The following KCNMB4 variants were observed in gnomAD, a reference collection of about 807,000 sequenced individuals.
The protein encoded by KCNMB4 is potassium calcium-activated channel subfamily M regulatory beta subunit 4.
In KCNMB4, 3 loss-of-function variants were observed where a neutral mutation model predicts 20.7. That is an observed-to-expected ratio of 0.14 (90% confidence interval 0.07 to 0.37). The LOEUF is 0.37. Ranked by LOEUF, KCNMB4 falls within the 10% of genes least tolerant of loss-of-function variation. KCNMB4 has a pLI of 1.00. For missense variants in KCNMB4, 168 were observed against 265.9 expected (o/e 0.63, Z 2.56); for synonymous variants, 110 against 113.4 (o/e 0.97, Z 0.19).
At chr12:70,378,873 G>A (rs575425049) in intron 1 of KCNMB4, among the ~76,000 whole-genome samples, 43 of 152,204 alleles carry the variant, frequency 2.8e-4, no homozygotes, top group South Asian at 2.3e-3. Context: ...CATGAAAGTC[G>A]AACTTACTCC....
At chr12:70,376,719 AC>A (rs199749351) in intron 1 of KCNMB4, among the ~76,000 whole-genome samples, 6,375 of 148,514 alleles carry the variant, frequency 0.043, 182 homozygotes, top group Middle Eastern at 0.067. Context: ...TTAAAAAAAA[AC>A]AAAACGCCAG....
chr12:70,390,652 A>G (rs1323745466), intron 1 of KCNMB4, among the ~76,000 whole-genome samples: 3 of 152,322 alleles, frequency 2.0e-5, no homozygotes, highest in Admixed American at 6.5e-5. Context: ...ATTGCTACTG[A>G]AAGCTGGCAG....
intron 1 of KCNMB4, among the ~76,000 whole-genome samples, chr12:70,375,560 G>A (rs902545504): frequency 8.6e-5 from 13 of 152,028 alleles, no homozygotes; most frequent in African/African-American, 3.1e-4. Context: ...CCTTGCTTGA[G>A]CTGAGGAGGT....
chr12:70,374,813 G>A (rs1257768417), intron 1 of KCNMB4, among the ~76,000 whole-genome samples: 1 of 152,110 alleles, frequency 6.6e-6, no homozygotes, highest in Non-Finnish European at 1.5e-5. Context: ...CTCATCTAAT[G>A]TCCAGTTTAC....
At chr12:70,395,536 T>C (rs1201027973) in intron 1 of KCNMB4, among the ~76,000 whole-genome samples, 2 of 152,178 alleles carry the variant, frequency 1.3e-5, no homozygotes, top group Admixed American at 1.3e-4. Context: ...AATGCTGTTA[T>C]AAATCTTGAC....
chr12:70,376,348 G>A (rs1434695612), intron 1 of KCNMB4, among the ~76,000 whole-genome samples: 1 of 151,982 alleles, frequency 6.6e-6, no homozygotes, highest in East Asian at 1.9e-4. Flanking sequence ...CTAGCCAGGG[G>A]CAGTTAAGCA....
At chr12:70,375,016 T>A (rs1883660989) in intron 1 of KCNMB4, among the ~76,000 whole-genome samples, 1 of 152,208 alleles carries the variant, frequency 6.6e-6, no homozygotes, top group Non-Finnish European at 1.5e-5. Flanking sequence ...TACTCTATAG[T>A]GAGTGCTAAA....
intron 2 of KCNMB4, among the ~76,000 whole-genome samples, chr12:70,424,113 G>A (rs1256648171): frequency 5.3e-5 from 8 of 152,120 alleles, no homozygotes; most frequent in African/African-American, 1.9e-4. Flanking sequence ...CTTTTTAGGA[G>A]GACAAGTTAG....
chr12:70,378,784 A>G (rs962955265), intron 1 of KCNMB4, among the ~76,000 whole-genome samples: 1 of 152,064 alleles, frequency 6.6e-6, no homozygotes, highest in African/African-American at 2.4e-5. Context: ...TGATTCACCC[A>G]TCTCGGCCTC....
chr12:70,404,638 A>G lies in KCNMB4; in HGVS notation c.464+4302A>G, dbSNP rs1017708849. Among the ~76,000 whole-genome samples, 6 of 152,220 alleles carry G rather than the reference A, an allele frequency of 3.9e-5. No homozygotes were observed. The East Asian group carries it at 1.2e-3, about 29-fold the overall frequency. On this transcript the variant is annotated intron_variant, in intron 2 of 2. Coordinates refer to ENST00000258111, the MANE Select transcript of KCNMB4 (RefSeq NM_014505.6). ...GAGAATAGTGGTGGTGAAAGTAGCA[A>G]CAAGGATTATAGCAGTAAGATTTTT...
chr12:70,407,116 G>C (rs1868625453), intron 2 of KCNMB4, among the ~76,000 whole-genome samples: 1 of 152,086 alleles, frequency 6.6e-6, no homozygotes, highest in Non-Finnish European at 1.5e-5. Context: ...TGTACTTCTG[G>C]CTGACCTTCT....
rs535875028 is a variant in KCNMB4 at position 70,421,392 on chromosome 12, T to A, written c.465-9093T>A. Among the ~76,000 whole-genome samples, 76 of 137,460 alleles carry A rather than the reference T, an allele frequency of 5.5e-4. 1 individual carries two copies. The highest frequency in any genetic ancestry group is 1.9e-3 in the African/African-American group (71 of 36,498). 90.2% of individuals were successfully genotyped at this position (137,460 alleles called of 152,430 possible). ...CTGTAGTCCCAGCTACTAGGGAGGC[T>A]GAGGTGAGAGGATTGCTTGAGCCCA... On this transcript the variant is annotated intron_variant, in intron 2 of 2. Coordinates refer to ENST00000258111, the MANE Select transcript of KCNMB4 (RefSeq NM_014505.6).
intron 1 of KCNMB4, among the ~76,000 whole-genome samples, chr12:70,398,274 A>G (rs1358225436): frequency 6.6e-6 from 1 of 152,118 alleles, no homozygotes; most frequent in African/African-American, 2.4e-5. Context: ...ACCTCCAAGA[A>G]TAGAATCATA....
At chr12:70,430,210 G>A (rs1159604677) in intron 2 of KCNMB4, among the ~76,000 whole-genome samples, 1 of 152,038 alleles carries the variant, frequency 6.6e-6, no homozygotes. Flanking sequence ...AAGTAACTTA[G>A]AATGAAGAAA....
At chr12:70,398,378 A>G (rs1366737668) in intron 1 of KCNMB4, among the ~76,000 whole-genome samples, 2 of 152,182 alleles carry the variant, frequency 1.3e-5, no homozygotes, top group Admixed American at 1.3e-4. Context: ...CCTAACACCT[A>G]ATAGACAATA....
chr12:70,425,431 C>T (rs1869186589), intron 2 of KCNMB4, among the ~76,000 whole-genome samples: 1 of 152,050 alleles, frequency 6.6e-6, no homozygotes, highest in African/African-American at 2.4e-5. Context: ...GAGCAAGACC[C>T]CATCTCAAAA....
intron 1 of KCNMB4, among the ~76,000 whole-genome samples, chr12:70,368,699 A>G (rs1266538610): frequency 6.6e-6 from 1 of 152,150 alleles, no homozygotes; most frequent in Non-Finnish European, 1.5e-5. Context: ...TAGTTGGTGA[A>G]ACGTTGCTAA....
At chr12:70,382,279 A>G (rs574974214) in intron 1 of KCNMB4, among the ~76,000 whole-genome samples, 1 of 151,476 alleles carries the variant, frequency 6.6e-6, no homozygotes, top group Non-Finnish European at 1.5e-5. Flanking sequence ...TAAAAATACA[A>G]AAAATTAGCC....
intron 1 of KCNMB4, among the ~76,000 whole-genome samples, chr12:70,377,985 T>C (rs1883717352): frequency 6.6e-6 from 1 of 150,792 alleles, no homozygotes; most frequent in Non-Finnish European, 1.5e-5. Flanking sequence ...AGTCTTGCCC[T>C]GTTGCCCAGG....
Sources: gnomAD v4.1 joint callset for allele counts (sites outside exome capture counted in the v4.1 genomes callset) on GRCh38, gnomAD v4.1.1 for gene constraint, MANE v1.5 for transcripts, NCBI Gene and HGNC (gene_info 2026-07-23, HGNC 2026-07-21) for gene names.